Variants in LSAMP observed in about 807,000 individuals in gnomAD.
The protein encoded by LSAMP is limbic system associated membrane protein.
In LSAMP, 7 loss-of-function variants were observed where a neutral mutation model predicts 38.6. The ratio of observed to expected loss-of-function variants is 0.18; its 90% CI spans 0.10 to 0.34. The LOEUF (loss-of-function observed/expected upper bound fraction) is 0.34. Ranked by LOEUF, LSAMP falls within the 10% of genes least tolerant of loss-of-function variation. The probability of loss-of-function intolerance (pLI) is 1.00; values close to 1 mark genes in which losing one functional copy is unlikely to be tolerated. For synonymous variants in LSAMP, 154 were observed against 166.8 expected, an observed-to-expected ratio of 0.92 and a Z score of 0.59; for missense variants, 313 against 420.0, an observed-to-expected ratio of 0.75 and a Z score of 2.23.
At chr3:116,163,845 CA>C (rs1379475123) in intron 1 of LSAMP, among the ~76,000 whole-genome samples, 1 of 152,062 alleles carries the variant, frequency 6.6e-6, no homozygotes, top group African/African-American at 2.4e-5. Context: ...GGATTTCCTT[CA>C]TTTTTTAAAG....
At chr3:115,935,353 C>T (rs184879771) in intron 3 of LSAMP, among the ~76,000 whole-genome samples, 6 of 152,028 alleles carry the variant, frequency 3.9e-5, no homozygotes, top group East Asian at 1.9e-4. Context: ...GAGGTGTGGC[C>T]GGGTGGGGGG....
chr3:116,244,209 G>A (rs1378526178), intron 1 of LSAMP, among the ~76,000 whole-genome samples: 2 of 152,046 alleles, frequency 1.3e-5, no homozygotes, highest in Non-Finnish European at 2.9e-5. Context: ...TGAGTCTTAA[G>A]TCCTGTCCTT....
intron 5 of LSAMP, 71 bp downstream of exon 5, chr3:115,842,387 T>C (rs1021475982): frequency 6.5e-7 from 1 of 1,550,038 alleles, no homozygotes; most frequent in African/African-American, 1.4e-5. Flanking sequence ...GGCTTTGGCT[T>C]TGTTGTGGGG....
At chr3:116,184,408 A>G (rs545325015) in intron 1 of LSAMP, among the ~76,000 whole-genome samples, 1 of 152,026 alleles carries the variant, frequency 6.6e-6, no homozygotes, top group Non-Finnish European at 1.5e-5. Context: ...ATTACACTGA[A>G]TCTTGGAGGT....
At chr3:116,135,887 C>T (rs1463375005) in intron 1 of LSAMP, among the ~76,000 whole-genome samples, 2 of 152,144 alleles carry the variant, frequency 1.3e-5, no homozygotes, top group African/African-American at 4.8e-5. Context: ...GTGAAATCTG[C>T]ACTTTCCTGA....
intron 1 of LSAMP, among the ~76,000 whole-genome samples, chr3:116,349,145 A>G (rs1205874629): frequency 6.6e-6 from 1 of 152,078 alleles, no homozygotes; most frequent in East Asian, 1.9e-4. Flanking sequence ...TGTTTAGAAA[A>G]GTTCTGCACT....
chr3:115,922,206 A>C (rs61678233), intron 3 of LSAMP, among the ~76,000 whole-genome samples: 4,664 of 152,102 alleles, frequency 0.031, 234 homozygotes, highest in African/African-American at 0.11. Flanking sequence ...AATTTCCATA[A>C]TGCCTATATT....
intron 3 of LSAMP, among the ~76,000 whole-genome samples, chr3:115,935,321 A>G (rs1466400469): frequency 6.6e-6 from 1 of 152,120 alleles, no homozygotes; most frequent in African/African-American, 2.4e-5. Context: ...GCCCTGAGGG[A>G]TGACTTCTCT....
intron 1 of LSAMP, among the ~76,000 whole-genome samples, chr3:116,132,241 A>G (rs1157416961): frequency 8.3e-5 from 3 of 36,082 alleles, no homozygotes; most frequent in Non-Finnish European, 2.7e-4. Flanking sequence ...GAACTATCAA[A>G]AAAAAAAAAA....
At chr3:116,168,863 C>T (rs958507478) in intron 1 of LSAMP, among the ~76,000 whole-genome samples, 10 of 152,156 alleles carry the variant, frequency 6.6e-5, no homozygotes, top group Non-Finnish European at 1.5e-4. Flanking sequence ...TCTAACTCTG[C>T]TATCTTACCA....
intron 1 of LSAMP, among the ~76,000 whole-genome samples, chr3:116,358,162 C>T (rs577948546): frequency 2.6e-5 from 4 of 152,122 alleles, no homozygotes; most frequent in Non-Finnish European, 4.4e-5. Context: ...CAGAATGTCA[C>T]CAGGTAGAAC....
chr3:116,039,160 A>G (rs1941111880), intron 2 of LSAMP, among the ~76,000 whole-genome samples: 1 of 152,250 alleles, frequency 6.6e-6, no homozygotes, highest in African/African-American at 2.4e-5. Context: ...AAGCTCAACA[A>G]TACATGTTGA....
rs140324840 is a variant in LSAMP, at chr3:116,121,794, C to T, written c.156-35238G>A. ...CTAGAGCAAGCTTGTCCAACCCGCACCCTGTAGGCCACATGCAGCCCCAGA... is the reference window on the plus strand; with the variant it reads ...CTAGAGCAAGCTTGTCCAACCCGCATCCTGTAGGCCACATGCAGCCCCAGA... On this transcript the variant is annotated intron_variant, in intron 1 of 6. Transcript: ENST00000490035. Among the ~76,000 whole-genome samples the T allele has an allele frequency of 1.2e-3, 181 of 152,250 alleles. 1 individual carries two copies. Among genetic ancestry groups the T allele is most frequent in the African/African-American group, 3.6e-3 (149 of 41,538 alleles).
At chr3:116,207,299 T>A (rs1223128140) in intron 1 of LSAMP, among the ~76,000 whole-genome samples, 1 of 152,236 alleles carries the variant, frequency 6.6e-6, no homozygotes, top group Non-Finnish European at 1.5e-5. Context: ...TATGTGTGTC[T>A]CTGCACATGA....
At chr3:116,391,891 C>T (rs1395236376) in intron 1 of LSAMP, among the ~76,000 whole-genome samples, 1 of 152,072 alleles carries the variant, frequency 6.6e-6, no homozygotes, top group Non-Finnish European at 1.5e-5. Context: ...TGCCAGGCTG[C>T]CCAGGGCCAC....
At chr3:116,316,508 C>T (rs2107723566) in intron 1 of LSAMP, among the ~76,000 whole-genome samples, 1 of 152,316 alleles carries the variant, frequency 6.6e-6, no homozygotes, top group Non-Finnish European at 1.5e-5. Flanking sequence ...CGCCGTGGCT[C>T]ACGCCTGTAA....
chr3:115,988,104 A>C (rs954742534), intron 3 of LSAMP, among the ~76,000 whole-genome samples: 11 of 152,154 alleles, frequency 7.2e-5, no homozygotes, highest in Admixed American at 6.6e-4. Context: ...CTCATCTAAA[A>C]GCTTTCTAAC....
intron 3 of LSAMP, among the ~76,000 whole-genome samples, chr3:115,943,753 C>T (rs1344255882): frequency 6.6e-6 from 1 of 152,156 alleles, no homozygotes. Context: ...TCTTCATCAG[C>T]CCTCATCACT....
At chr3:116,357,395 T>A (rs1361753581) in intron 1 of LSAMP, among the ~76,000 whole-genome samples, 2 of 152,150 alleles carry the variant, frequency 1.3e-5, no homozygotes, top group African/African-American at 2.4e-5. Flanking sequence ...TTTGTGAAAT[T>A]GTTGAAGACT....
Sources: allele counts gnomAD v4.1 joint callset (sites outside exome capture counted in the v4.1 genomes callset), GRCh38; gene constraint gnomAD v4.1.1; transcripts MANE v1.5; gene names NCBI Gene and HGNC (gene_info 2026-07-23, HGNC 2026-07-21).